SCN11A: variants seen among roughly 807,000 people sequenced by gnomAD.
SCN11A encodes the protein sodium voltage-gated channel alpha subunit 11.
In SCN11A, 122 loss-of-function variants were observed where a neutral mutation model predicts 162.2. The observed-to-expected ratio is 0.75, with a 90% CI of 0.65 to 0.87. The LOEUF is 0.87. SCN11A is among the 40% of genes least tolerant of loss of function. The pLI, the probability that SCN11A is intolerant of heterozygous loss-of-function variation, is 0.00. For synonymous variants in SCN11A, 758 were observed against 751.5 expected (o/e 1.01, Z -0.14); for missense variants, 2,015 against 2,181.6 (o/e 0.92, Z 1.52).
At chr3:39,049,821 C>A (rs750070206) in intron 1 of SCN11A, among the ~76,000 whole-genome samples, 1 of 152,156 alleles carries the variant, frequency 6.6e-6, no homozygotes. Context: ...CTTGCTCTTT[C>A]CATGTCCTTC....
chr3:38,884,528 C>A (rs1208065273), intron 21 of SCN11A, among the ~76,000 whole-genome samples: 1 of 152,128 alleles, frequency 6.6e-6, no homozygotes, highest in East Asian at 1.9e-4. Context: ...TTGTTGAACC[C>A]ATTTCTGGGC....
intron 1 of SCN11A, among the ~76,000 whole-genome samples, chr3:39,035,647 G>GT (rs200337709): frequency 4.9e-4 from 72 of 147,300 alleles, no homozygotes; most frequent in Non-Finnish European, 4.8e-4. Flanking sequence ...AACATGGAAG[G>GT]TTTTTTTTTT....
intron 24 of SCN11A, among the ~76,000 whole-genome samples, chr3:38,871,966 G>A (rs2065134501): frequency 2.6e-5 from 4 of 152,132 alleles, no homozygotes; most frequent in African/African-American, 4.8e-5. Flanking sequence ...ACCTACCCCA[G>A]GATTCTGAGG....
intron 1 of SCN11A, among the ~76,000 whole-genome samples, chr3:39,048,530 C>T (rs555657086): frequency 5.5e-4 from 84 of 152,168 alleles, no homozygotes; most frequent in African/African-American, 2.0e-3. Context: ...ATTGAATTTT[C>T]CCAAAGCAAT....
At chr3:38,962,270 C>T (rs1372362550) in intron 2 of SCN11A, among the ~76,000 whole-genome samples, 1 of 152,150 alleles carries the variant, frequency 6.6e-6, no homozygotes, top group Non-Finnish European at 1.5e-5. Flanking sequence ...GTGACTATGG[C>T]CCTATAGTAT....
chr3:39,033,370 AC>A (rs59111986), intron 1 of SCN11A, among the ~76,000 whole-genome samples: 21,488 of 152,126 alleles, frequency 0.14, 1,750 homozygotes, highest in African/African-American at 0.22. Flanking sequence ...CAGATGTTAA[AC>A]TTTTTTCATG....
At position 38,883,519 on chromosome 3, in the gene SCN11A, C is replaced by A. The variant is rs561245069; in HGVS notation, c.3065-132G>T. 8.5e-5 allele frequency: 66 copies of A among 773,590 alleles called. No individual in the cohort carries two copies. The African/African-American group carries it at 8.9e-4, about 10-fold the overall frequency. 47.9% of individuals were successfully genotyped at this position (773,590 alleles called of 1,614,324 possible). A position where few individuals can be genotyped will look rare whatever the true frequency, so the allele number is the denominator to read the frequency against. On this transcript the variant is annotated intron_variant, in intron 21 of 29. Coordinates refer to ENST00000302328, the MANE Select transcript of SCN11A (RefSeq NM_001349253.2). The stretch of plus-strand genomic sequence containing the variant: ...AGTTGCTCCCATTAAAGAAGTAGAG[C>A]ATCTTTTTCTAACATCTTAAATCTG...
At chr3:38,961,186 G>A (rs1447149626) in intron 2 of SCN11A, among the ~76,000 whole-genome samples, 1 of 152,150 alleles carries the variant, frequency 6.6e-6, no homozygotes, top group Non-Finnish European at 1.5e-5. Context: ...CACAAGGGGC[G>A]CTGAATACTG....
At chr3:38,951,780 C>T (rs979972041) in intron 4 of SCN11A, among the ~76,000 whole-genome samples, 4 of 152,192 alleles carry the variant, frequency 2.6e-5, no homozygotes, top group African/African-American at 9.6e-5. Flanking sequence ...TACTCTGTAT[C>T]TAACTAATCT....
At chr3:38,890,250 C>T (rs2126112754) in intron 19 of SCN11A, among the ~76,000 whole-genome samples, 1 of 152,294 alleles carries the variant, frequency 6.6e-6, no homozygotes, top group Non-Finnish European at 1.5e-5. Flanking sequence ...ACTGCCCCTG[C>T]CCAAGTGCCT....
At chr3:38,960,135 C>T (rs2066725229) in intron 3 of SCN11A, among the ~76,000 whole-genome samples, 148 bp downstream of exon 3, 2 of 152,068 alleles carry the variant, frequency 1.3e-5, no homozygotes, top group South Asian at 2.1e-4. Context: ...CCATATATCT[C>T]GTACCCGCTC....
chr3:39,027,111 GA>G (rs576123746), intron 2 of SCN11A, among the ~76,000 whole-genome samples: 1,587 of 149,342 alleles, frequency 0.011, 13 homozygotes, highest in Non-Finnish European at 0.012. Flanking sequence ...CACTCTACTA[GA>G]AAAAAAAAAT....
chr3:39,019,488 ACT>A (rs1195647517), intron 2 of SCN11A, among the ~76,000 whole-genome samples: 1 of 151,028 alleles, frequency 6.6e-6, no homozygotes, highest in Admixed American at 6.6e-5. Flanking sequence ...CATCAATTAA[ACT>A]CTTTCTTTAC....
intron 19 of SCN11A, among the ~76,000 whole-genome samples, chr3:38,893,215 C>T (rs2065529961): frequency 1.3e-5 from 2 of 152,120 alleles, no homozygotes; most frequent in Non-Finnish European, 2.9e-5. Flanking sequence ...TGGGATGACT[C>T]TATTAACATC....
chr3:38,888,222 C>T (rs1227919762), intron 19 of SCN11A, among the ~76,000 whole-genome samples: 1 of 152,178 alleles, frequency 6.6e-6, no homozygotes, highest in Non-Finnish European at 1.5e-5. Context: ...AGAAGTACAA[C>T]CTCAGAAATG....
At chr3:39,025,620 AT>A (rs1328653378) in intron 2 of SCN11A, among the ~76,000 whole-genome samples, 1 of 152,112 alleles carries the variant, frequency 6.6e-6, no homozygotes, top group African/African-American at 2.4e-5. Context: ...GTCTTCTAGC[AT>A]GTTAATGCAT....
At chr3:38,943,625 A>G (rs570403069) in intron 7 of SCN11A, among the ~76,000 whole-genome samples, 2 of 152,358 alleles carry the variant, frequency 1.3e-5, no homozygotes, top group Admixed American at 6.5e-5. Flanking sequence ...TTGGTTATAC[A>G]GAGAACTCAA....
chr3:38,920,373 T>A (rs960463386), intron 10 of SCN11A, among the ~76,000 whole-genome samples: 1 of 152,064 alleles, frequency 6.6e-6, no homozygotes, highest in African/African-American at 2.4e-5. Flanking sequence ...AGGGTCAACC[T>A]CAGCATGGAG....
chr3:38,850,406 A>G (rs2064755381), intron 29 of SCN11A, 75 bp downstream of exon 29: 2 of 1,394,518 alleles, frequency 1.4e-6, no homozygotes, highest in Non-Finnish European at 2.0e-6. Context: ...TAGTTTGAAC[A>G]AACTTCAAAA....
Sources: gnomAD v4.1 joint callset for allele counts (sites outside exome capture counted in the v4.1 genomes callset) on GRCh38, gnomAD v4.1.1 for gene constraint, MANE v1.5 for transcripts, NCBI Gene and HGNC (gene_info 2026-07-23, HGNC 2026-07-21) for gene names.